Variants in DENND5B observed in about 807,000 individuals in gnomAD.
The protein encoded by DENND5B is DENN domain-containing protein 5B.
Under a neutral mutation model 140.6 loss-of-function variants are expected in DENND5B, and 34 were observed. That is an observed-to-expected ratio of 0.24 (90% CI 0.18 to 0.32). The LOEUF (loss-of-function observed/expected upper bound fraction) is 0.32. Ranked by LOEUF, DENND5B falls within the 10% of genes least tolerant of loss-of-function variation. The pLI, the probability that DENND5B is intolerant of heterozygous loss-of-function variation, is 1.00. For missense variants in DENND5B, 1,142 were observed against 1,560.2 expected (o/e 0.73, Z 4.52); for synonymous variants, 551 against 562.1 (o/e 0.98, Z 0.28).
chr12:31,551,723 ATCT>A (rs1278794254), intron 1 of DENND5B, among the ~76,000 whole-genome samples: 1 of 152,038 alleles, frequency 6.6e-6, no homozygotes, highest in African/African-American at 2.4e-5. Context: ...ATTTGTTTGT[ATCT>A]TCTTTTATTT....
At chr12:31,526,884 T>G (rs1948103826) in intron 1 of DENND5B, among the ~76,000 whole-genome samples, 1 of 152,230 alleles carries the variant, frequency 6.6e-6, no homozygotes. Context: ...CTGTTGTGAC[T>G]CTACTGTGAA....
intron 3 of DENND5B, among the ~76,000 whole-genome samples, chr12:31,470,116 T>C (rs1359147663): frequency 6.9e-6 from 1 of 144,366 alleles, no homozygotes; most frequent in Non-Finnish European, 1.5e-5. Context: ...TCTGGCTTTT[T>C]TTTTTTTTTT....
chr12:31,527,833 C>T lies in DENND5B; in HGVS notation c.128-31914G>A, dbSNP rs982605369. Among the ~76,000 whole-genome samples the T allele has an allele frequency of 6.6e-5, 10 of 152,022 alleles. No individual in the cohort carries two copies. In the East Asian group the frequency reaches 1.9e-3, roughly 29 times the overall value. On this transcript the variant is annotated intron_variant, in intron 1 of 20. Coordinates refer to ENST00000389082, the MANE Select transcript of DENND5B (RefSeq NM_144973.4). ...ATTAATAATAGGCTTTATGCAACAT[C>T]ACCTATATGGTATTCTTGGAAAAAA...
chr12:31,520,032 A>G (rs1947819520), intron 1 of DENND5B, among the ~76,000 whole-genome samples: 1 of 152,232 alleles, frequency 6.6e-6, no homozygotes, highest in Non-Finnish European at 1.5e-5. Context: ...CAACTGGAAC[A>G]TGGCAAAAAA....
chr12:31,430,368 T>C (rs954551401), intron 8 of DENND5B, among the ~76,000 whole-genome samples: 11 of 150,194 alleles, frequency 7.3e-5, no homozygotes, highest in African/African-American at 2.7e-4. Flanking sequence ...AATTAACCAC[T>C]GTCGGCTGGT....
At chr12:31,585,166 C>G (rs537287829) in intron 1 of DENND5B, among the ~76,000 whole-genome samples, 1 of 152,252 alleles carries the variant, frequency 6.6e-6, no homozygotes, top group East Asian at 1.9e-4. Context: ...CATTAGGAAT[C>G]AAATTTCAAC....
At chr12:31,419,484 T>C (rs1008846830) in intron 11 of DENND5B, among the ~76,000 whole-genome samples, 3 of 152,078 alleles carry the variant, frequency 2.0e-5, no homozygotes, top group Non-Finnish European at 4.4e-5. Flanking sequence ...TTAAACATTT[T>C]ATTTATTTTC....
chr12:31,451,642 C>A, intron 5 of DENND5B: 1 of 310,532 alleles, frequency 3.2e-6, no homozygotes, highest in Non-Finnish European at 6.0e-6. Flanking sequence ...ATAATTTAAG[C>A]ATCTTTAAGG....
In DENND5B at chr12:31,459,352, C is replaced by A. The variant is rs140416022; in HGVS notation, c.1092+842G>T. On this transcript the variant is annotated intron_variant, in intron 4 of 20. Coordinates refer to ENST00000389082, the MANE Select transcript of DENND5B (RefSeq NM_144973.4). ...TCTGTCACCCTGGAGTGCAGTGGCA[C>A]GATCTTGGCTTACTGAAACCTATAC... 3.4e-3 allele frequency among the ~76,000 whole-genome samples: 521 copies of A among 152,260 alleles called. 2 individuals are homozygous for A. The highest frequency in any genetic ancestry group is 0.01 in the Middle Eastern group (3 of 294).
In DENND5B at chr12:31,398,210, CT is replaced by C; in HGVS notation, c.3220del (p.Arg1074AspfsTer2). On this transcript the variant is annotated frameshift_variant, in exon 17 of 21. Transcript: ENST00000389082. LOFTEE classifies it high-confidence loss of function. ...PQQKSPTTARRLSITSLTGKN... is the reference protein window; with the variant it reads ...PQQKSPTTARXLSITSLTGKN... Reference sequence around the variant, plus strand: ...TCCTGTCAGTGAAGTGATGCTCAATCTCCTAGCCGTGGTGGGTGACTTCTGC... The same window carrying C: ...TCCTGTCAGTGAAGTGATGCTCAATCCCTAGCCGTGGTGGGTGACTTCTGC... 1.2e-6 allele frequency: 2 copies of C among 1,604,856 alleles called. No homozygotes were observed. Among genetic ancestry groups the C allele is most frequent in the East Asian group, 4.5e-5 (2 of 44,592 alleles).
At chr12:31,461,185 C>T (rs1042431033) in intron 3 of DENND5B, among the ~76,000 whole-genome samples, 12 of 152,066 alleles carry the variant, frequency 7.9e-5, no homozygotes, top group African/African-American at 2.9e-4. Context: ...TTTTTTCTTA[C>T]ACAGTATATA....
chr12:31,559,592 C>T (rs1338925675), intron 1 of DENND5B, among the ~76,000 whole-genome samples: 2 of 151,998 alleles, frequency 1.3e-5, no homozygotes, highest in African/African-American at 4.8e-5. Flanking sequence ...TTTGCCTATA[C>T]TGTTTAGCTT....
At chr12:31,423,434 C>T in intron 11 of DENND5B, 163 bp downstream of exon 11, 1 of 237,626 alleles carries the variant, frequency 4.2e-6, no homozygotes, top group Non-Finnish European at 6.8e-6. Context: ...TAACTTTTCC[C>T]AGGTCTCACA....
At chr12:31,570,277 CTTTT>C (rs746678233) in intron 1 of DENND5B, among the ~76,000 whole-genome samples, 1 of 141,592 alleles carries the variant, frequency 7.1e-6, no homozygotes. Context: ...AATTCTCTCT[CTTTT>C]TTTTTTTTTT....
At chr12:31,580,701 G>A (rs560528615) in intron 1 of DENND5B, among the ~76,000 whole-genome samples, 4 of 152,226 alleles carry the variant, frequency 2.6e-5, no homozygotes, top group African/African-American at 9.6e-5. Flanking sequence ...CGCCATGTTG[G>A]TGAGCATGCT....
chr12:31,471,224 G>C (rs945803412), intron 3 of DENND5B, among the ~76,000 whole-genome samples: 17 of 152,240 alleles, frequency 1.1e-4, no homozygotes, highest in Non-Finnish European at 2.2e-4. Flanking sequence ...AACACCCTTA[G>C]GTATTCTGTA....
chr12:31,460,178 T>C lies in DENND5B; in HGVS notation c.1092+16A>G, dbSNP rs775201105. 12 of 1,599,942 alleles carry C rather than the reference T, an allele frequency of 7.5e-6. No individual in the cohort carries two copies. The highest frequency in any genetic ancestry group is 1.7e-5 in the Admixed American group (1 of 57,880). On this transcript the variant is annotated intron_variant, in intron 4 of 20. Transcript: ENST00000389082. ...TCAGCAAACAGCAAATGCTTCATCA[T>C]TCATTGTAGTTTTACCTCTTGAGGA...
chr12:31,451,678 C>T (rs1944531907), intron 5 of DENND5B: 2 of 405,628 alleles, frequency 4.9e-6, no homozygotes, highest in Non-Finnish European at 8.8e-6. Flanking sequence ...AATGAGATTA[C>T]AGGCAATTTA....
chr12:31,506,088 C>A (rs1232576040), intron 1 of DENND5B, among the ~76,000 whole-genome samples: 1 of 152,164 alleles, frequency 6.6e-6, no homozygotes, highest in Non-Finnish European at 1.5e-5. Flanking sequence ...CCCGCCTCAG[C>A]CTCCCAAAGT....
Sources: allele counts gnomAD v4.1 joint callset (sites outside exome capture counted in the v4.1 genomes callset), GRCh38; gene constraint gnomAD v4.1.1; transcripts MANE v1.5; gene names NCBI Gene and HGNC (gene_info 2026-07-23, HGNC 2026-07-21).